MCMBP: variants seen among roughly 807,000 people sequenced by gnomAD.
MCMBP encodes the protein mini-chromosome maintenance complex-binding protein.
A neutral mutation model predicts 81.3 loss-of-function variants in MCMBP; 31 were observed. The ratio of observed to expected loss-of-function variants is 0.38; its 90% CI spans 0.29 to 0.51. The LOEUF (loss-of-function observed/expected upper bound fraction) is 0.51, where lower values mean the gene tolerates loss of function less well. MCMBP is among the 20% of genes least tolerant of loss of function. The probability of loss-of-function intolerance (pLI) is 0.87; values close to 1 mark genes in which losing one functional copy is unlikely to be tolerated. For missense variants in MCMBP, 645 were observed against 772.1 expected (o/e 0.84, Z 1.95); for synonymous variants, 267 against 275.9 (o/e 0.97, Z 0.32).
At chr10:119,864,717 A>G (rs1007052696) in intron 1 of MCMBP, among the ~76,000 whole-genome samples, 6 of 117,908 alleles carry the variant, frequency 5.1e-5, no homozygotes, top group Non-Finnish European at 1.1e-4. Context: ...TTCTAGTTTC[A>G]TAGGTGGAAG....
intron 13 of MCMBP, 142 bp from the exon 14 acceptor site, chr10:119,835,846 T>C: frequency 1.1e-6 from 1 of 942,106 alleles, no homozygotes; most frequent in Non-Finnish European, 1.6e-6. Flanking sequence ...AATGTTTTTT[T>C]TTCTGTGTGT....
chr10:119,854,045 CTTT>C (rs111657130), intron 5 of MCMBP, among the ~76,000 whole-genome samples: 5 of 139,990 alleles, frequency 3.6e-5, no homozygotes, highest in Non-Finnish European at 6.2e-5. Flanking sequence ...TTTTCCTTTT[CTTT>C]TTTTTTTTTT....
At chr10:119,869,525 T>C (rs1853591332) in intron 1 of MCMBP, among the ~76,000 whole-genome samples, 1 of 147,984 alleles carries the variant, frequency 6.8e-6, no homozygotes, top group Admixed American at 6.8e-5. Flanking sequence ...TGAGCCAAGA[T>C]TGTAACACTG....
intron 8 of MCMBP, among the ~76,000 whole-genome samples, chr10:119,844,164 A>T (rs1317168847): frequency 6.6e-6 from 1 of 152,126 alleles, no homozygotes; most frequent in Non-Finnish European, 1.5e-5. Context: ...TTCATCTCTT[A>T]TCTTGCTAAT....
At chr10:119,834,296 A>T (rs2134335662) in intron 14 of MCMBP, among the ~76,000 whole-genome samples, 1 of 152,358 alleles carries the variant, frequency 6.6e-6, no homozygotes, top group Admixed American at 6.5e-5. Context: ...ACACATCATA[A>T]TCGAAACTGT....
chr10:119,851,360 A>G (rs997371871), intron 6 of MCMBP, among the ~76,000 whole-genome samples: 19 of 152,232 alleles, frequency 1.2e-4, no homozygotes, highest in African/African-American at 4.6e-4. Flanking sequence ...AGTAGCATCA[A>G]CTGCTTAAGT....
intron 11 of MCMBP, 59 bp from the exon 12 acceptor site, chr10:119,838,759 T>C (rs1446314687): frequency 6.9e-7 from 1 of 1,447,480 alleles, no homozygotes; most frequent in Non-Finnish European, 9.5e-7. Flanking sequence ...TAAGAAAATA[T>C]GTACTTGGAA....
chr10:119,835,179 A>C (rs1852195386), intron 14 of MCMBP, among the ~76,000 whole-genome samples: 1 of 152,246 alleles, frequency 6.6e-6, no homozygotes, highest in South Asian at 2.1e-4. Flanking sequence ...CGGAATTATA[A>C]AGGGGCAAAG....
intron 8 of MCMBP, among the ~76,000 whole-genome samples, chr10:119,843,983 T>C (rs1402493885): frequency 1.3e-5 from 2 of 152,196 alleles, no homozygotes; most frequent in Non-Finnish European, 2.9e-5. Context: ...TATTTGTTAT[T>C]CAGCACTTCA....
At chr10:119,870,497 T>A (rs974077099) in intron 1 of MCMBP, among the ~76,000 whole-genome samples, 21 of 152,116 alleles carry the variant, frequency 1.4e-4, no homozygotes, top group African/African-American at 5.1e-4. Flanking sequence ...ACTTAACTTT[T>A]CAGTTTAAAA....
At chr10:119,842,346 G>T in intron 10 of MCMBP, 126 bp downstream of exon 10, 1 of 1,056,440 alleles carries the variant, frequency 9.5e-7, no homozygotes, top group Non-Finnish European at 1.4e-6. Context: ...AGTTAACACT[G>T]GACAGATAAA....
At chr10:119,868,388 T>A (rs953477554) in intron 1 of MCMBP, among the ~76,000 whole-genome samples, 1 of 152,162 alleles carries the variant, frequency 6.6e-6, no homozygotes, top group African/African-American at 2.4e-5. Context: ...ATCACGCCAC[T>A]GCACTCCACC....
chr10:119,868,491 T>C (rs1381600491), intron 1 of MCMBP, among the ~76,000 whole-genome samples: 1 of 152,184 alleles, frequency 6.6e-6, no homozygotes, highest in Non-Finnish European at 1.5e-5. Flanking sequence ...TAACAACATT[T>C]CTGATTAATC....
chr10:119,871,500 G>T (rs1021584489), intron 1 of MCMBP, among the ~76,000 whole-genome samples: 22 of 152,040 alleles, frequency 1.4e-4, no homozygotes, highest in African/African-American at 5.3e-4. Flanking sequence ...TAGAATTACA[G>T]GTAAATTAAT....
intron 8 of MCMBP, among the ~76,000 whole-genome samples, chr10:119,844,239 T>C (rs948702037): frequency 6.6e-6 from 1 of 152,222 alleles, no homozygotes; most frequent in African/African-American, 2.4e-5. Flanking sequence ...AATGAAAGTA[T>C]GAATTTTTCA....
intron 4 of MCMBP, chr10:119,857,729 T>C (rs1300019125): frequency 4.9e-6 from 1 of 205,150 alleles, no homozygotes; most frequent in Non-Finnish European, 9.8e-6. Flanking sequence ...CTTACTTTTA[T>C]GATGTTATCT....
At chr10:119,848,851 A>T (rs1405213459) in intron 7 of MCMBP, among the ~76,000 whole-genome samples, 1 of 152,232 alleles carries the variant, frequency 6.6e-6, no homozygotes. Flanking sequence ...AAAATGAAGA[A>T]GATATTATGT....
At chr10:119,844,077 T>C (rs1589782994) in intron 8 of MCMBP, among the ~76,000 whole-genome samples, 1 of 152,236 alleles carries the variant, frequency 6.6e-6, no homozygotes, top group East Asian at 1.9e-4. Context: ...ATCGAATACT[T>C]GACAGCAGAT....
intron 8 of MCMBP, among the ~76,000 whole-genome samples, chr10:119,845,736 T>C (rs537499453): frequency 1.3e-5 from 2 of 152,230 alleles, no homozygotes; most frequent in Non-Finnish European, 2.9e-5. Context: ...ACTGGAAATG[T>C]ATTGAACTCT....
Sources: gnomAD v4.1 joint callset for allele counts (sites outside exome capture counted in the v4.1 genomes callset) on GRCh38, gnomAD v4.1.1 for gene constraint, MANE v1.5 for transcripts, NCBI Gene and HGNC (gene_info 2026-07-23, HGNC 2026-07-21) for gene names.